VEGFC: variants seen among roughly 807,000 people sequenced by gnomAD.
VEGFC encodes the protein FLT4 ligand DHM.
VEGFC carries 12 observed loss-of-function variants against 46.1 expected under a neutral mutation model. The observed-to-expected ratio is 0.26, with a 90% CI of 0.17 to 0.42. The LOEUF (loss-of-function observed/expected upper bound fraction) is 0.42. VEGFC is among the 10% of genes least tolerant of loss of function. The pLI, the probability that VEGFC is intolerant of heterozygous loss-of-function variation, is 1.00. For missense variants in VEGFC, 488 were observed against 529.4 expected (o/e 0.92, Z 0.77); for synonymous variants, 232 against 195.5 (o/e 1.19, Z -1.56).
chr4:176,709,639 C>A (rs927475189), intron 4 of VEGFC, among the ~76,000 whole-genome samples: 2 of 152,066 alleles, frequency 1.3e-5, no homozygotes, highest in Non-Finnish European at 2.9e-5. Flanking sequence ...TTCTGGGAAT[C>A]GGACTTGGTG....
intron 1 of VEGFC, among the ~76,000 whole-genome samples, chr4:176,759,571 A>T (rs532041359): frequency 6.6e-6 from 1 of 152,104 alleles, no homozygotes; most frequent in Non-Finnish European, 1.5e-5. Flanking sequence ...ACTATGGTAA[A>T]TAATAATAGA....
chr4:176,717,228 T>G (rs1734714311), intron 3 of VEGFC, among the ~76,000 whole-genome samples: 1 of 152,028 alleles, frequency 6.6e-6, no homozygotes, highest in Non-Finnish European at 1.5e-5. Context: ...AGTTGTTGGT[T>G]TTGGAGAAGA....
chr4:176,774,736 C>T (rs534672235), intron 1 of VEGFC, among the ~76,000 whole-genome samples: 1 of 151,674 alleles, frequency 6.6e-6, no homozygotes, highest in East Asian at 1.9e-4. Context: ...GTGCAGCGCA[C>T]CAGCATGGCA....
chr4:176,739,855 T>A (rs1171319433), intron 1 of VEGFC, among the ~76,000 whole-genome samples: 1 of 150,574 alleles, frequency 6.6e-6, no homozygotes, highest in Non-Finnish European at 1.5e-5. Flanking sequence ...GGTTTTGAGA[T>A]CATTAAAGAA....
chr4:176,769,427 C>T (rs955976064), intron 1 of VEGFC, among the ~76,000 whole-genome samples: 5 of 152,154 alleles, frequency 3.3e-5, no homozygotes, highest in African/African-American at 1.2e-4. Context: ...GCTCACAGAA[C>T]AGAGAAGTTC....
intron 3 of VEGFC, among the ~76,000 whole-genome samples, chr4:176,719,726 C>A (rs973446985): frequency 2.0e-5 from 3 of 152,140 alleles, no homozygotes; most frequent in African/African-American, 7.2e-5. Context: ...TGAAGCGTCA[C>A]ATAATGGGTG....
At chr4:176,736,605 T>C (rs1010729707) in intron 1 of VEGFC, among the ~76,000 whole-genome samples, 17 of 151,808 alleles carry the variant, frequency 1.1e-4, no homozygotes, top group African/African-American at 2.9e-4. Context: ...CTCTGAGGCA[T>C]TAAGTGATTT....
At chr4:176,777,273 C>T (rs1413217219) in intron 1 of VEGFC, among the ~76,000 whole-genome samples, 2 of 152,152 alleles carry the variant, frequency 1.3e-5, no homozygotes, top group African/African-American at 4.8e-5. Flanking sequence ...GCCGAGATCG[C>T]ACCACTGCAC....
chr4:176,756,376 T>A lies in VEGFC; in HGVS notation c.148-26630A>T, dbSNP rs182344964. Among the ~76,000 whole-genome samples the A allele has an allele frequency of 2.2e-4, 34 of 152,076 alleles. No individual in the cohort carries two copies. In the East Asian group the frequency reaches 5.6e-3, roughly 25 times the overall value. On this transcript the variant is annotated intron_variant, in intron 1 of 6. Coordinates refer to ENST00000618562, the MANE Select transcript of VEGFC (RefSeq NM_005429.5). ...TAAACAATAAATGAAGAAAATGAAG[T>A]GTTGATGACAATAAACTGAGGGTCA...
At chr4:176,771,350 C>A (rs921351413) in intron 1 of VEGFC, among the ~76,000 whole-genome samples, 1 of 152,146 alleles carries the variant, frequency 6.6e-6, no homozygotes, top group Non-Finnish European at 1.5e-5. Context: ...TAGCTGTTTT[C>A]TGCCATCTTT....
intron 1 of VEGFC, among the ~76,000 whole-genome samples, chr4:176,761,152 AAAATT>A (rs1243020540): frequency 6.6e-6 from 1 of 152,238 alleles, no homozygotes; most frequent in African/African-American, 2.4e-5. Context: ...AAATTGTGAG[AAAATT>A]AAATTATACA....
At chr4:176,773,932 C>T (rs912513042) in intron 1 of VEGFC, among the ~76,000 whole-genome samples, 1 of 152,008 alleles carries the variant, frequency 6.6e-6, no homozygotes, top group Non-Finnish European at 1.5e-5. Flanking sequence ...TTTTTAATTA[C>T]AGCTGAGTCA....
At chr4:176,719,437 T>C (rs1198854369) in intron 3 of VEGFC, among the ~76,000 whole-genome samples, 1 of 152,192 alleles carries the variant, frequency 6.6e-6, no homozygotes, top group Non-Finnish European at 1.5e-5. Flanking sequence ...GAAAAGCTGC[T>C]ACTTAAGTAC....
At chr4:176,733,345 C>T (rs561188483) in intron 1 of VEGFC, among the ~76,000 whole-genome samples, 2 of 151,926 alleles carry the variant, frequency 1.3e-5, no homozygotes, top group African/African-American at 4.8e-5. Flanking sequence ...ATAATGAAAA[C>T]TGAAAACACC....
chr4:176,716,574 C>A (rs1273131581), intron 3 of VEGFC, among the ~76,000 whole-genome samples: 2 of 127,640 alleles, frequency 1.6e-5, no homozygotes, highest in Non-Finnish European at 3.1e-5. Flanking sequence ...CAGAGGTGGA[C>A]TCCCTCTCCG....
chr4:176,783,050 G>A (rs1735942696), intron 1 of VEGFC, among the ~76,000 whole-genome samples: 1 of 152,250 alleles, frequency 6.6e-6, no homozygotes, highest in South Asian at 2.1e-4. Flanking sequence ...GGGTAACCAC[G>A]CAAGTCACAG....
At chr4:176,763,172 G>A (rs982095797) in intron 1 of VEGFC, among the ~76,000 whole-genome samples, 19 of 152,178 alleles carry the variant, frequency 1.2e-4, no homozygotes, top group Non-Finnish European at 2.5e-4. Flanking sequence ...CCACAGGTGC[G>A]GAGCACAAGC....
chr4:176,756,720 A>G (rs759248354), intron 1 of VEGFC, among the ~76,000 whole-genome samples: 2 of 152,094 alleles, frequency 1.3e-5, no homozygotes, highest in Non-Finnish European at 2.9e-5. Flanking sequence ...AAATGATATT[A>G]TCTCATTTAC....
In VEGFC at chr4:176,687,498, G is replaced by A; in HGVS notation, c.834C>T (p.Asp278=). ...AGDDSTDGFH[D]ICGPNKELDE... is the part of the protein sequence containing the mutation. Reference sequence around the variant, plus strand: ...CCAGCTCCTTGTTTGGTCCACAGATGTCATGGAATCCATCTGTTGAGTCTA... The same window carrying A: ...CCAGCTCCTTGTTTGGTCCACAGATATCATGGAATCCATCTGTTGAGTCTA... Residue 278 remains aspartate (D), a synonymous_variant, in exon 6 of 7, where the codon GAC becomes GAT. Coordinates refer to ENST00000618562, the MANE Select transcript of VEGFC (RefSeq NM_005429.5). 6.2e-7 allele frequency: 1 copy of A among 1,608,588 alleles called. No homozygotes were observed. The highest frequency in any genetic ancestry group is 8.5e-7 in the Non-Finnish European group (1 of 1,177,268).
Sources: gnomAD v4.1 joint callset for allele counts (sites outside exome capture counted in the v4.1 genomes callset) on GRCh38, gnomAD v4.1.1 for gene constraint, MANE v1.5 for transcripts, NCBI Gene and HGNC (gene_info 2026-07-23, HGNC 2026-07-21) for gene names.